Variants in PAH observed in about 807,000 individuals in gnomAD.
PAH encodes the protein phenylalanine-4-hydroxylase.
Under a neutral mutation model 62.0 loss-of-function variants are expected in PAH, and 64 were observed. The observed-to-expected ratio is 1.03, with a 90% CI of 0.84 to 1.27. The LOEUF is 1.27. Among genes scored for constraint, PAH ranks in the 50% most tolerant of loss-of-function variants. PAH has a pLI of 0.00. For synonymous variants in PAH, 195 were observed against 196.2 expected, an observed-to-expected ratio of 0.99 and a Z score of 0.05; for missense variants, 579 against 542.8, an observed-to-expected ratio of 1.07 and a Z score of -0.66.
intron 4 of PAH, among the ~76,000 whole-genome samples, chr12:102,874,583 T>C (rs563908886): frequency 6.6e-6 from 1 of 152,336 alleles, no homozygotes; most frequent in South Asian, 2.1e-4. Context: ...GCATTTAGCA[T>C]TGTGCCTGGC....
intron 2 of PAH, among the ~76,000 whole-genome samples, chr12:102,908,903 G>A (rs1191962929): frequency 8.9e-5 from 13 of 146,624 alleles, no homozygotes; most frequent in Middle Eastern, 3.2e-3. Flanking sequence ...GTGCAATGGC[G>A]TGATCTCAGC....
intron 4 of PAH, among the ~76,000 whole-genome samples, chr12:102,876,679 G>A (rs1718298): frequency 0.39 from 58,704 of 152,054 alleles, 11,896 homozygotes; most frequent in Non-Finnish European, 0.44. Flanking sequence ...TCCCACCGAT[G>A]GAGGCTGTGA....
chr12:102,854,780 CTAACTCA>C (rs1339788012), intron 6 of PAH: 2 of 365,912 alleles, frequency 5.5e-6, no homozygotes, highest in Non-Finnish European at 1.1e-5. Flanking sequence ...ACACACACTC[CTAACTCA>C]TAACACAGCA....
intron 1 of PAH, among the ~76,000 whole-genome samples, chr12:102,929,977 A>G (rs1199148507): frequency 3.9e-5 from 6 of 152,192 alleles, no homozygotes; most frequent in Admixed American, 3.3e-4. Flanking sequence ...ACTGGGACTC[A>G]TTGAGATATT....
At chr12:102,933,110 C>T (rs1036357718) in intron 1 of PAH, among the ~76,000 whole-genome samples, 2 of 152,110 alleles carry the variant, frequency 1.3e-5, no homozygotes, top group African/African-American at 4.8e-5. Context: ...ATTAACCATC[C>T]ACGCTTTCAC....
intron 1 of PAH, among the ~76,000 whole-genome samples, chr12:102,934,531 A>G (rs73393592): frequency 0.062 from 9,427 of 152,118 alleles, 341 homozygotes; most frequent in Admixed American, 0.1. Flanking sequence ...CGTTTTAACA[A>G]TATTATTTTT....
intron 1 of PAH, among the ~76,000 whole-genome samples, chr12:102,941,234 A>G (rs902528735): frequency 6.6e-6 from 1 of 152,198 alleles, no homozygotes; most frequent in Non-Finnish European, 1.5e-5. Context: ...GACCACTGAC[A>G]CTGTAAAGCA....
chr12:102,853,783 T>C (rs1040504551), intron 6 of PAH, among the ~76,000 whole-genome samples: 34 of 152,196 alleles, frequency 2.2e-4, no homozygotes, highest in African/African-American at 8.0e-4. Context: ...GCTAACACTA[T>C]ATTTGACCTA....
At chr12:102,882,755 C>T (rs1876875592) in intron 3 of PAH, among the ~76,000 whole-genome samples, 1 of 150,772 alleles carries the variant, frequency 6.6e-6, no homozygotes, top group South Asian at 2.1e-4. Context: ...TAGAAAGTCT[C>T]TACCACTTAT....
intron 1 of PAH, among the ~76,000 whole-genome samples, chr12:102,930,269 AT>A (rs1391608350): frequency 4.6e-5 from 7 of 152,168 alleles, no homozygotes; most frequent in African/African-American, 1.4e-4. Context: ...CAGATTCATC[AT>A]GTAGCTAATG....
intron 8 of PAH, among the ~76,000 whole-genome samples, chr12:102,847,568 G>A (rs974825262): frequency 2.0e-5 from 3 of 152,150 alleles, no homozygotes; most frequent in African/African-American, 4.8e-5. Context: ...GATGTGCCAG[G>A]CAGTGTATAA....
intron 12 of PAH, among the ~76,000 whole-genome samples, 181 bp downstream of exon 12, chr12:102,840,219 G>A (rs746997079): frequency 2.8e-4 from 43 of 151,724 alleles, no homozygotes; most frequent in Non-Finnish European, 5.3e-4. Flanking sequence ...AGGACACAAG[G>A]GTAATTCTGA....
intron 1 of PAH, among the ~76,000 whole-genome samples, chr12:102,935,779 C>T (rs1327856443): frequency 1.3e-5 from 2 of 151,778 alleles, no homozygotes; most frequent in South Asian, 4.2e-4. Context: ...TCGGTCTTCT[C>T]CCTTTTTTTT....
chr12:102,859,626 C>T (rs1480072150), intron 5 of PAH, among the ~76,000 whole-genome samples: 11 of 152,174 alleles, frequency 7.2e-5, no homozygotes, highest in African/African-American at 2.4e-4. Flanking sequence ...TTATCCACCA[C>T]GATCAAGTGG....
At chr12:102,900,430 T>A (rs1162096823) in intron 2 of PAH, among the ~76,000 whole-genome samples, 1 of 151,982 alleles carries the variant, frequency 6.6e-6, no homozygotes, top group Non-Finnish European at 1.5e-5. Context: ...ATACTTATAA[T>A]AGATATAGGT....
chr12:102,904,414 G>T (rs1411490464), intron 2 of PAH, among the ~76,000 whole-genome samples: 2 of 152,152 alleles, frequency 1.3e-5, no homozygotes, highest in African/African-American at 4.8e-5. Context: ...CCTAAACAGG[G>T]TCCCATGGTA....
chr12:102,879,606 G>C (rs977762405), intron 3 of PAH, among the ~76,000 whole-genome samples: 1 of 47,572 alleles, frequency 2.1e-5, no homozygotes, highest in Non-Finnish European at 4.6e-5. Context: ...TTTTACCTGT[G>C]GGGGGGGGGT....
chr12:102,887,907 C>T (rs1877108548), intron 3 of PAH, among the ~76,000 whole-genome samples: 1 of 152,156 alleles, frequency 6.6e-6, no homozygotes. Flanking sequence ...GTTAGTCATT[C>T]CATGTCCTTT....
At chr12:102,908,225 C>CAT (rs1206422913) in intron 2 of PAH, among the ~76,000 whole-genome samples, 1 of 149,716 alleles carries the variant, frequency 6.7e-6, no homozygotes, top group African/African-American at 2.5e-5. Context: ...AGCCCCGACA[C>CAT]ACACACACAC....
Sources: gnomAD v4.1 joint callset for allele counts (sites outside exome capture counted in the v4.1 genomes callset) on GRCh38, gnomAD v4.1.1 for gene constraint, MANE v1.5 for transcripts, NCBI Gene and HGNC (gene_info 2026-07-23, HGNC 2026-07-21) for gene names.